The following PTH2R variants were observed in gnomAD, a reference collection of about 807,000 sequenced individuals.
PTH2R encodes the protein parathyroid hormone 2 receptor.
A neutral mutation model predicts 60.3 loss-of-function variants in PTH2R; 59 were observed. That is an observed-to-expected ratio of 0.98 (90% CI 0.79 to 1.22). The LOEUF is 1.22. Among genes scored for constraint, PTH2R ranks in the 50% most tolerant of loss-of-function variants. The pLI is 0.00. For missense variants in PTH2R, 749 were observed against 682.6 expected, an observed-to-expected ratio of 1.10 and a Z score of -1.08; for synonymous variants, 256 against 243.8, an observed-to-expected ratio of 1.05 and a Z score of -0.47.
chr2:208,481,939 T>C lies in PTH2R; in HGVS notation c.1076+775T>C, dbSNP rs76440393. ...AGGACAAATCGAATGTTTGTGATTA[T>C]TATCAAACTATCTTAAGGTTGTGTG... On this transcript the variant is annotated intron_variant, in intron 10 of 12. Coordinates refer to ENST00000272847, the MANE Select transcript of PTH2R (RefSeq NM_005048.4). Among the ~76,000 whole-genome samples the C allele has an allele frequency of 3.3e-3, 500 of 152,362 alleles. 3 individuals are homozygous for C. Among genetic ancestry groups the C allele is most frequent in the African/African-American group, 0.012 (483 of 41,596 alleles).
At chr2:208,394,210 C>T (rs1701162512) in intron 1 of PTH2R, among the ~76,000 whole-genome samples, 1 of 152,104 alleles carries the variant, frequency 6.6e-6, no homozygotes, top group Admixed American at 6.5e-5. Context: ...TTTGCCTGTC[C>T]CGAAGATAGT....
At chr2:208,400,420 C>CGGTATA (rs1701286638) in intron 1 of PTH2R, among the ~76,000 whole-genome samples, 1 of 152,164 alleles carries the variant, frequency 6.6e-6, no homozygotes, top group Non-Finnish European at 1.5e-5. Flanking sequence ...AGGATATGTC[C>CGGTATA]TTCGGTGGAG....
chr2:208,456,035 T>A (rs923497290), intron 8 of PTH2R, among the ~76,000 whole-genome samples: 5 of 152,108 alleles, frequency 3.3e-5, no homozygotes, highest in African/African-American at 9.7e-5. Flanking sequence ...GGCCAGGGGT[T>A]CAAGACCAGC....
chr2:208,458,338 C>T (rs2105886216), intron 8 of PTH2R, among the ~76,000 whole-genome samples: 1 of 152,118 alleles, frequency 6.6e-6, no homozygotes, highest in South Asian at 2.1e-4. Context: ...AAAAAATAGG[C>T]AAATTATATA....
Position 208,413,141 on chromosome 2 carries a change from C to CCACACACA in PTH2R, c.75+6046_75+6053dup, listed in dbSNP as rs5838121. 4.5e-3 allele frequency among the ~76,000 whole-genome samples: 680 copies of CCACACACA among 149,864 alleles called. 1 individual carries two copies. The highest frequency in any genetic ancestry group is 0.014 in the African/African-American group (571 of 40,854). On this transcript the variant is annotated intron_variant, in intron 1 of 12. Coordinates refer to ENST00000272847, the MANE Select transcript of PTH2R (RefSeq NM_005048.4). ...TCATCTTTATTTGTTTAAAAAGTGA[C>CCACACACA]CACACACACACACACACACACACAC...
chr2:208,381,339 A>C (rs560742805), intron 1 of PTH2R, among the ~76,000 whole-genome samples: 1 of 152,140 alleles, frequency 6.6e-6, no homozygotes, highest in African/African-American at 2.4e-5. Context: ...GGAAATTAGC[A>C]TATTGTCAGA....
intron 1 of PTH2R, among the ~76,000 whole-genome samples, chr2:208,371,926 CTGAT>C (rs1700709566): frequency 1.3e-5 from 2 of 151,458 alleles, no homozygotes; most frequent in African/African-American, 4.9e-5. Context: ...ATAGTTGACA[CTGAT>C]TGATTGATTG....
At chr2:208,470,281 C>G (rs1183058103) in intron 9 of PTH2R, among the ~76,000 whole-genome samples, 2 of 152,198 alleles carry the variant, frequency 1.3e-5, no homozygotes, top group African/African-American at 4.8e-5. Context: ...GTTACTCTCC[C>G]CATTCACCCA....
At chr2:208,393,099 A>T (rs1701138978) in intron 1 of PTH2R, among the ~76,000 whole-genome samples, 1 of 152,142 alleles carries the variant, frequency 6.6e-6, no homozygotes, top group Non-Finnish European at 1.5e-5. Flanking sequence ...CTGCTACTAG[A>T]GCCTCTGTTC....
At chr2:208,377,854 T>C (rs559380563) in intron 1 of PTH2R, among the ~76,000 whole-genome samples, 11 of 149,562 alleles carry the variant, frequency 7.4e-5, no homozygotes, top group South Asian at 2.1e-4. Context: ...CTAGACGTGA[T>C]GGTGGCCGGG....
At chr2:208,434,982 C>A (rs1702046274) in intron 2 of PTH2R, among the ~76,000 whole-genome samples, 1 of 152,102 alleles carries the variant, frequency 6.6e-6, no homozygotes, top group Non-Finnish European at 1.5e-5. Flanking sequence ...CAAAGCAAGG[C>A]TTTTTCTAAG....
At chr2:208,379,273 G>T (rs1222078571) in intron 1 of PTH2R, among the ~76,000 whole-genome samples, 1 of 152,170 alleles carries the variant, frequency 6.6e-6, no homozygotes, top group East Asian at 1.9e-4. Context: ...TTGTTGAAAT[G>T]TTGGATATTG....
At chr2:208,466,823 T>C (rs1458850960) in intron 9 of PTH2R, among the ~76,000 whole-genome samples, 1 of 152,246 alleles carries the variant, frequency 6.6e-6, no homozygotes, top group African/African-American at 2.4e-5. Context: ...GCAAATATTT[T>C]CTACCATTTC....
chr2:208,365,352 T>C (rs1478673321), intron 1 of PTH2R, among the ~76,000 whole-genome samples: 1 of 152,288 alleles, frequency 6.6e-6, no homozygotes. Flanking sequence ...CTTTCCACTT[T>C]TGAGTGTTTT....
At chr2:208,470,079 C>T (rs1158606355) in intron 9 of PTH2R, 1 of 152,182 alleles carries the variant, frequency 6.6e-6, no homozygotes, top group Non-Finnish European at 1.5e-5. Flanking sequence ...ACCAGAGACA[C>T]AAAAATACAG....
chr2:208,374,760 C>T (rs1394891522), intron 1 of PTH2R, among the ~76,000 whole-genome samples: 1 of 152,100 alleles, frequency 6.6e-6, no homozygotes, highest in Non-Finnish European at 1.5e-5. Context: ...CCTGCCTCAG[C>T]CCCACAAAGT....
intron 1 of PTH2R, among the ~76,000 whole-genome samples, chr2:208,382,647 T>C (rs1441066800): frequency 2.0e-5 from 3 of 152,182 alleles, no homozygotes; most frequent in African/African-American, 7.2e-5. Flanking sequence ...AATAAATTGG[T>C]AGATTCATCT....
intron 1 of PTH2R, among the ~76,000 whole-genome samples, chr2:208,363,677 CT>C (rs1486799491): frequency 1.3e-5 from 2 of 152,152 alleles, no homozygotes; most frequent in African/African-American, 4.8e-5. Context: ...TTACTAACAT[CT>C]GTTATTTTTT....
chr2:208,378,265 C>G (rs1343586531), intron 1 of PTH2R, among the ~76,000 whole-genome samples: 2 of 149,602 alleles, frequency 1.3e-5, no homozygotes, highest in African/African-American at 4.9e-5. Context: ...CCCAGGCACT[C>G]GGCAGGCTGA....
Sources: allele counts gnomAD v4.1 joint callset (sites outside exome capture counted in the v4.1 genomes callset), GRCh38; gene constraint gnomAD v4.1.1; transcripts MANE v1.5; gene names NCBI Gene and HGNC (gene_info 2026-07-23, HGNC 2026-07-21).